The following EPB41L3 variants were observed in gnomAD, a reference collection of about 807,000 sequenced individuals.
EPB41L3 encodes the protein erythrocyte membrane protein band 4.1 like 3.
A neutral mutation model predicts 127.1 loss-of-function variants in EPB41L3; 57 were observed. The ratio of observed to expected loss-of-function variants is 0.45; its 90% CI spans 0.36 to 0.56. The LOEUF (loss-of-function observed/expected upper bound fraction) is 0.56. EPB41L3 is among the 20% of genes least tolerant of loss of function. The pLI, the probability that EPB41L3 is intolerant of heterozygous loss-of-function variation, is 0.00. For missense variants in EPB41L3, 1,273 were observed against 1,372.2 expected, an observed-to-expected ratio of 0.93 and a Z score of 1.14; for synonymous variants, 572 against 549.5, an observed-to-expected ratio of 1.04 and a Z score of -0.57.
intron 1 of EPB41L3, among the ~76,000 whole-genome samples, chr18:5,537,317 T>A (rs146871942): frequency 8.5e-5 from 13 of 152,340 alleles, no homozygotes; most frequent in African/African-American, 3.1e-4. Flanking sequence ...AATCTTCCCA[T>A]ATTTCGTATA....
At chr18:5,415,150 A>G (rs2076643777) in intron 13 of EPB41L3, among the ~76,000 whole-genome samples, 1 of 152,222 alleles carries the variant, frequency 6.6e-6, no homozygotes, top group Admixed American at 6.5e-5. Context: ...GTGTCTGAAC[A>G]CTGCTGCACT....
At chr18:5,576,415 C>G (rs984997939) in intron 3 of EPB41L3, among the ~76,000 whole-genome samples, 9 of 152,144 alleles carry the variant, frequency 5.9e-5, no homozygotes, top group Non-Finnish European at 1.2e-4. Flanking sequence ...GCAGGTGACA[C>G]AGATAAGAAA....
rs764481417 is a variant in EPB41L3 at position 5,397,123 on chromosome 18, GCTCA to G, written c.2772_2775del (p.Glu925AspfsTer26). On this transcript the variant is annotated frameshift_variant, in exon 18 of 23. Transcript: ENST00000341928. LOFTEE classifies it high-confidence loss of function. The surrounding 1 kb of genome is among the most constrained non-coding windows in gnomAD (Gnocchi z 4.1). Reference sequence around the variant, plus strand: ...ATGGCTGCACTCTGCTCCTCTTGTCGCTCACGGGAAGCAGCGGCTGTCTCTTCCT... The same window carrying G: ...ATGGCTGCACTCTGCTCCTCTTGTCGCGGGAAGCAGCGGCTGTCTCTTCCT... 6.2e-7 allele frequency: 1 copy of G among 1,614,026 alleles called. No individual in the cohort carries two copies.
At chr18:5,462,597 C>A (rs564246688) in intron 3 of EPB41L3, among the ~76,000 whole-genome samples, 7 of 152,194 alleles carry the variant, frequency 4.6e-5, no homozygotes, top group Admixed American at 6.5e-5. Flanking sequence ...TGGAACAGGG[C>A]AAAAATGGAA....
At chr18:5,599,792 A>T (rs564794707) in intron 3 of EPB41L3, among the ~76,000 whole-genome samples, 1 of 152,286 alleles carries the variant, frequency 6.6e-6, no homozygotes, top group African/African-American at 2.4e-5. Context: ...ATGATGAGCC[A>T]ATTAAATCCC....
chr18:5,619,795 C>T (rs921910565), intron 1 of EPB41L3, among the ~76,000 whole-genome samples: 1 of 152,020 alleles, frequency 6.6e-6, no homozygotes, highest in Non-Finnish European at 1.5e-5. Flanking sequence ...GAAAAGATTA[C>T]CCAGAACCTC....
At chr18:5,541,943 G>A (rs1367252486) in intron 1 of EPB41L3, among the ~76,000 whole-genome samples, 2 of 152,232 alleles carry the variant, frequency 1.3e-5, no homozygotes, top group African/African-American at 4.8e-5. Context: ...ACTTGATGCA[G>A]TAAGTTGTGC....
intron 3 of EPB41L3, among the ~76,000 whole-genome samples, chr18:5,592,245 C>A (rs866147100): frequency 7.9e-5 from 12 of 152,188 alleles, no homozygotes; most frequent in South Asian, 2.1e-4. Context: ...TGGCTCACTG[C>A]AACCTCCACC....
At position 5,395,092 on chromosome 18, in the gene EPB41L3, C is replaced by G; in HGVS notation, c.3128G>C (p.Gly1043Ala). The change falls in exon 21 of 23, where the codon GGG (glycine) becomes GCG (alanine). Residue 1043 changes from glycine (G) to alanine (A), a missense_variant. By Grantham distance (60) the Gly-to-Ala change is moderately conservative. Around this residue, in one of 3 missense-constraint regions of EPB41L3, gnomAD observed 765 missense variants for 782.9 expected, o/e 0.98. Transcript: ENST00000341928. ...TRIEKRIVIT[G>A]DADIDHDQAL... ...CTGGTCATGGTCAATGTCTGCATCC[C>G]CCGTGATGACTATTCGCTTCTCAAT... is the stretch of plus-strand genomic sequence containing the variant. The G allele has an allele frequency of 6.2e-7, 1 of 1,614,122 alleles. No homozygotes were observed. The highest frequency in any genetic ancestry group is 1.1e-5 in the South Asian group (1 of 91,078).
At chr18:5,435,054 G>A (rs1476705126) in intron 6 of EPB41L3, among the ~76,000 whole-genome samples, 1 of 151,918 alleles carries the variant, frequency 6.6e-6, no homozygotes, top group African/African-American at 2.4e-5. Context: ...TTTAACAAAA[G>A]AGTTTTAAAA....
chr18:5,581,617 T>G (rs888562422), intron 3 of EPB41L3, among the ~76,000 whole-genome samples: 7 of 152,168 alleles, frequency 4.6e-5, no homozygotes, highest in African/African-American at 1.7e-4. Context: ...GTGAGCCTTC[T>G]CCAACAGCCA....
At chr18:5,536,226 T>C (rs1169038965) in intron 1 of EPB41L3, among the ~76,000 whole-genome samples, 1 of 152,074 alleles carries the variant, frequency 6.6e-6, no homozygotes, top group Non-Finnish European at 1.5e-5. Flanking sequence ...GAGATATACA[T>C]AATAATCATC....
chr18:5,494,695 G>C (rs1219934374), intron 1 of EPB41L3, among the ~76,000 whole-genome samples: 1 of 115,588 alleles, frequency 8.7e-6, no homozygotes, highest in Non-Finnish European at 1.7e-5. Flanking sequence ...AACAGTAAAA[G>C]AAAGAATGGA....
intron 3 of EPB41L3, among the ~76,000 whole-genome samples, chr18:5,606,384 C>T (rs1353552223): frequency 6.6e-6 from 1 of 151,934 alleles, no homozygotes; most frequent in Non-Finnish European, 1.5e-5. Context: ...TTTTGAACAT[C>T]TCATTCTATT....
Position 5,561,066 on chromosome 18 carries a change from C to T in EPB41L3, c.-306+51274G>A, listed in dbSNP as rs988700954. ...GATCGCGGCTCACTGCAAGCTCCGC[C>T]TCCCAGGTTCACGCCATTCTCCTGC... On this transcript the variant is annotated intron_variant, in intron 3 of 21. Coordinates refer to the EPB41L3 transcript ENST00000545076. Among the ~76,000 whole-genome samples the T allele has an allele frequency of 6.1e-5, 9 of 147,546 alleles. 1 individual carries two copies. Among genetic ancestry groups the T allele is most frequent in the East Asian group, 4.0e-4 (2 of 4,950 alleles).
intron 1 of EPB41L3, among the ~76,000 whole-genome samples, chr18:5,533,833 A>G (rs1197661947): frequency 6.9e-6 from 1 of 145,934 alleles, no homozygotes; most frequent in Non-Finnish European, 1.5e-5. Context: ...TAAATTTTAC[A>G]TAATTTCCTA....
rs1417174877 is a variant in EPB41L3, at chr18:5,599,092, T to G, written c.-306+13248A>C. 2.0e-5 allele frequency among the ~76,000 whole-genome samples: 3 copies of G among 152,310 alleles called. No homozygotes were observed. In the East Asian group the frequency reaches 5.8e-4, roughly 29 times the overall value. On this transcript the variant is annotated intron_variant, in intron 3 of 21. Coordinates refer to the EPB41L3 transcript ENST00000545076. ...ACAAACATGTATTATGGAACAGAGA[T>G]CTGAGTTCAAATTCTGACACAACCT...
At chr18:5,454,820 T>A (rs541950790) in intron 3 of EPB41L3, among the ~76,000 whole-genome samples, 2 of 152,348 alleles carry the variant, frequency 1.3e-5, no homozygotes, top group Non-Finnish European at 2.9e-5. Context: ...ATAGTGAACA[T>A]GTGTGTTTAA....
intron 5 of EPB41L3, among the ~76,000 whole-genome samples, chr18:5,441,613 A>G (rs369045746): frequency 9.2e-5 from 14 of 152,052 alleles, no homozygotes; most frequent in Admixed American, 7.2e-4. Flanking sequence ...CTACAGGCGC[A>G]CGCCACCATG....
Sources: allele counts gnomAD v4.1 joint callset (sites outside exome capture counted in the v4.1 genomes callset), GRCh38; gene constraint gnomAD v4.1.1; regional missense constraint gnomAD v4.1.1; non-coding constraint Gnocchi (gnomAD v3.1); transcripts MANE v1.5; gene names NCBI Gene and HGNC (gene_info 2026-07-23, HGNC 2026-07-21).